The following UST variants were observed in gnomAD, a reference collection of about 807,000 sequenced individuals.
The protein encoded by UST is chondroitin sulfate 2-O-sulfotransferase.
A neutral mutation model predicts 45.6 loss-of-function variants in UST; 21 were observed. The ratio of observed to expected loss-of-function variants is 0.46; its 90% CI spans 0.33 to 0.66. The LOEUF (loss-of-function observed/expected upper bound fraction) is 0.66, where lower values mean the gene tolerates loss of function less well. Among genes scored for constraint, UST ranks in the 30% least tolerant of loss-of-function variants. The probability of loss-of-function intolerance (pLI) is 0.02; values close to 1 mark genes in which losing one functional copy is unlikely to be tolerated. For synonymous variants in UST, 215 were observed against 200.6 expected, an observed-to-expected ratio of 1.07 and a Z score of -0.61; for missense variants, 463 against 512.4, an observed-to-expected ratio of 0.90 and a Z score of 0.93.
chr6:148,943,270 A>T (rs912182288), intron 3 of UST, among the ~76,000 whole-genome samples: 3 of 152,218 alleles, frequency 2.0e-5, no homozygotes, highest in Admixed American at 2.0e-4. Context: ...CACAGTTGCT[A>T]GATTTTAGTT....
At chr6:148,939,050 A>G (rs1780074449) in intron 2 of UST, among the ~76,000 whole-genome samples, 1 of 152,174 alleles carries the variant, frequency 6.6e-6, no homozygotes, top group African/African-American at 2.4e-5. Context: ...AGATCAATAT[A>G]GAAAAATCAA....
chr6:148,830,475 C>A (rs1380106646), intron 1 of UST, among the ~76,000 whole-genome samples: 2 of 152,114 alleles, frequency 1.3e-5, no homozygotes, highest in Non-Finnish European at 2.9e-5. Context: ...CGTTTCCTTT[C>A]GGGAGCACTC....
At chr6:148,993,940 C>CTTGAATATT (rs749446211) in intron 5 of UST, among the ~76,000 whole-genome samples, 1 of 126,118 alleles carries the variant, frequency 7.9e-6, no homozygotes, top group Non-Finnish European at 1.6e-5. Context: ...ATTACCCAGT[C>CTTGAATATT]TTGAATATTT....
chr6:148,857,855 G>C lies in UST; in HGVS notation c.248-29131G>C, dbSNP rs566938873. Among the ~76,000 whole-genome samples the C allele has an allele frequency of 1.5e-3, 228 of 151,804 alleles. 3 individuals carry two copies. The highest frequency in any genetic ancestry group is 5.3e-3 in the African/African-American group (220 of 41,350). ...TGTTTATTTTTTCTGTCTGATCCAG[G>C]TCTGGGTGGCTAGTGGTTGAGAAAC... On this transcript the variant is annotated intron_variant, in intron 1 of 7. Coordinates refer to ENST00000367463, the MANE Select transcript of UST (RefSeq NM_005715.3).
At chr6:148,802,230 G>A (rs1337106068) in intron 1 of UST, among the ~76,000 whole-genome samples, 4 of 152,140 alleles carry the variant, frequency 2.6e-5, no homozygotes, top group Non-Finnish European at 4.4e-5. Context: ...TCTGCTTCTA[G>A]GGAAGCTAAC....
At position 148,823,906 on chromosome 6, in the gene UST, A is replaced by G. The variant is rs185942265; in HGVS notation, c.248-63080A>G. Among the ~76,000 whole-genome samples the G allele has an allele frequency of 1.4e-3, 208 of 152,294 alleles. 1 individual carries two copies. The highest frequency in any genetic ancestry group is 2.1e-4 in the South Asian group (1 of 4,826). On this transcript the variant is annotated intron_variant, in intron 1 of 7. Transcript: ENST00000367463. ...GTCTTCCACTATTTGTCTGCAAGCA[A>G]TTTTCGTGTCACTTATAAATAATCA...
intron 1 of UST, among the ~76,000 whole-genome samples, chr6:148,850,473 C>T (rs545674602): frequency 6.6e-6 from 1 of 152,360 alleles, no homozygotes; most frequent in Admixed American, 6.5e-5. Flanking sequence ...TTGCTCCAGC[C>T]TGACCCAAGC....
Position 148,782,519 on chromosome 6 carries a change from T to C in UST, c.247+34842T>C, listed in dbSNP as rs562867947. Among the ~76,000 whole-genome samples the C allele has an allele frequency of 3.3e-5, 5 of 152,144 alleles. No individual in the cohort carries two copies. In the South Asian group the frequency reaches 8.3e-4, roughly 25 times the overall value. On this transcript the variant is annotated intron_variant, in intron 1 of 7. Coordinates refer to ENST00000367463, the MANE Select transcript of UST (RefSeq NM_005715.3). ...AGGCTGGAGTGCAGTGGCGCGATCT[T>C]GGCTCACTGCAACCTCCACCTCCTG...
At chr6:149,046,695 TAC>T (rs1776399696) in intron 7 of UST, among the ~76,000 whole-genome samples, 1 of 152,388 alleles carries the variant, frequency 6.6e-6, no homozygotes, top group African/African-American at 2.4e-5. Flanking sequence ...TGCACCGATG[TAC>T]AGTTTCCAAG....
At chr6:149,072,351 C>T (rs1776831895) in intron 7 of UST, among the ~76,000 whole-genome samples, 1 of 152,072 alleles carries the variant, frequency 6.6e-6, no homozygotes, top group Non-Finnish European at 1.5e-5. Context: ...GTTATTCAAC[C>T]TTAAAAGGAA....
At chr6:148,871,145 T>TCTCTCTCTCC (rs1032229926) in intron 1 of UST, among the ~76,000 whole-genome samples, 14 of 135,202 alleles carry the variant, frequency 1.0e-4, no homozygotes, top group Admixed American at 1.5e-4. Flanking sequence ...TCTCTCTCTC[T>TCTCTCTCTCC]CCCTCTCTCC....
intron 5 of UST, among the ~76,000 whole-genome samples, chr6:148,998,964 G>A (rs1290760979): frequency 2.0e-5 from 3 of 152,224 alleles, no homozygotes; most frequent in Non-Finnish European, 4.4e-5. Context: ...CTGGGCTGTA[G>A]AGATGAGAAT....
intron 1 of UST, among the ~76,000 whole-genome samples, chr6:148,866,190 A>G (rs1409759241): frequency 1.3e-5 from 2 of 152,078 alleles, no homozygotes; most frequent in Non-Finnish European, 2.9e-5. Flanking sequence ...AAATTTAGTG[A>G]TAACTAAAAA....
chr6:148,912,761 A>G (rs778074991), intron 2 of UST, among the ~76,000 whole-genome samples: 1 of 152,254 alleles, frequency 6.6e-6, no homozygotes, highest in Non-Finnish European at 1.5e-5. Flanking sequence ...AGCAGATAGC[A>G]CTTTTAACAA....
rs78422028 is a variant in UST at position 149,021,248 on chromosome 6, G to A, written c.780-76G>A. ...TATGCAAGTGAAGGTGGGAGGTAGA[G>A]GGGGTAAACTCTCAGCATCTTGCTG... On this transcript the variant is annotated intron_variant, in intron 6 of 7. Coordinates refer to ENST00000367463, the MANE Select transcript of UST (RefSeq NM_005715.3). 1.5e-3 allele frequency: 2,155 copies of A among 1,467,232 alleles called. 27 individuals carry two copies. The African/African-American group carries it at 0.027, about 18-fold the overall frequency. 90.9% of individuals were successfully genotyped at this position (1,467,232 alleles called of 1,614,324 possible).
chr6:148,970,448 G>A lies in UST; in HGVS notation c.681+5885G>A, dbSNP rs1393056780. On this transcript the variant is annotated intron_variant, in intron 5 of 7. Transcript: ENST00000367463. ...AGGATGGCGATCCCAGAGAGGCTGA[G>A]TGGTGGTGAAGATCAAACCACAAAT... 2.0e-5 allele frequency among the ~76,000 whole-genome samples: 3 copies of A among 152,170 alleles called. No individual in the cohort carries two copies. In the East Asian group the frequency reaches 5.8e-4, roughly 29 times the overall value.
intron 5 of UST, among the ~76,000 whole-genome samples, chr6:149,010,617 G>A (rs770810219): frequency 5.9e-5 from 9 of 151,874 alleles, no homozygotes; most frequent in African/African-American, 9.7e-5. Context: ...TATTTCGGCC[G>A]GGTCCAGTGG....
chr6:149,007,878 A>G (rs1775743596), intron 5 of UST, among the ~76,000 whole-genome samples: 1 of 152,076 alleles, frequency 6.6e-6, no homozygotes, highest in Admixed American at 6.5e-5. Flanking sequence ...TTTTCTTTCT[A>G]AGGTGCAGTG....
intron 7 of UST, among the ~76,000 whole-genome samples, chr6:149,053,658 T>A (rs752217464): frequency 1.3e-5 from 2 of 152,254 alleles, no homozygotes; most frequent in Non-Finnish European, 2.9e-5. Flanking sequence ...GGTGAACCGA[T>A]GGTGCTGTAT....
Sources: allele counts gnomAD v4.1 joint callset (sites outside exome capture counted in the v4.1 genomes callset), GRCh38; gene constraint gnomAD v4.1.1; transcripts MANE v1.5; gene names NCBI Gene and HGNC (gene_info 2026-07-23, HGNC 2026-07-21).